The following SYMPK variants were observed in gnomAD, a reference collection of about 807,000 sequenced individuals.
SYMPK encodes the protein symplekin scaffold protein.
Under a neutral mutation model 136.4 loss-of-function variants are expected in SYMPK, and 49 were observed. The ratio of observed to expected loss-of-function variants is 0.36; its 90% confidence interval spans 0.29 to 0.46. The LOEUF (loss-of-function observed/expected upper bound fraction) is 0.46. Among genes scored for constraint, SYMPK ranks in the 20% least tolerant of loss-of-function variants. The pLI is 1.00. For synonymous variants in SYMPK, 766 were observed against 713.0 expected (o/e 1.07, Z -1.19); for missense variants, 1,365 against 1,690.0 (o/e 0.81, Z 3.37).
In SYMPK at chr19:45,821,622, C is replaced by T. The variant is rs11669073; in HGVS notation, c.2792-137G>A. The T allele has an allele frequency of 0.33, 212,931 of 653,406 alleles. 35,901 individuals carry two copies. The highest frequency in any genetic ancestry group is 0.38 in the Middle Eastern group (1,121 of 2,932). The allele number at this position is 653,406 out of a possible 1,614,324, so 40.5% of individuals were successfully genotyped here. A position where few individuals can be genotyped will look rare whatever the true frequency, so the allele number is the denominator to read the frequency against. ...GCTTTCAGGGCTGGAACAGGGGAAG[C>T]GACTGACAACATAAAAAGGGGACAC... On this transcript the variant is annotated intron_variant, in intron 21 of 26. Coordinates refer to ENST00000245934, the MANE Select transcript of SYMPK (RefSeq NM_004819.3). The surrounding 1 kb of genome is among the most constrained non-coding windows in gnomAD (Gnocchi z 4.4).
chr19:45,849,681 A>C (rs1199719546), intron 5 of SYMPK, among the ~76,000 whole-genome samples: 1 of 152,194 alleles, frequency 6.6e-6, no homozygotes, highest in African/African-American at 2.4e-5. Context: ...AATTCAGAAA[A>C]TTTACCACAA....
At position 45,821,530 on chromosome 19, in the gene SYMPK, A is replaced by G. The variant is rs199651395; in HGVS notation, c.2792-45T>C. 11 of 1,360,242 alleles carry G rather than the reference A, an allele frequency of 8.1e-6. No individual in the cohort carries two copies. Among genetic ancestry groups the G allele is most frequent in the Middle Eastern group, 1.8e-4 (1 of 5,552 alleles). The allele number at this position is 1,360,242 out of a possible 1,614,324, so 84.3% of individuals were successfully genotyped here. ...GGGTGGGGGAAGACAGTGCGGACGC[A>G]TAAGTGAAGAGATGGGTCTGAGTTC... On this transcript the variant is annotated intron_variant, in intron 21 of 26. Transcript: ENST00000245934. This position sits in a 1 kb window ranked among gnomAD's most constrained non-coding sequence, Gnocchi z 4.4.
intron 9 of SYMPK, among the ~76,000 whole-genome samples, chr19:45,840,600 T>G (rs1600516315): frequency 6.6e-6 from 1 of 152,076 alleles, no homozygotes; most frequent in African/African-American, 2.4e-5. Flanking sequence ...GAGGCAGAGC[T>G]TGTAGTGAGC....
Position 45,830,127 on chromosome 19 carries a change from TC to T in SYMPK, c.1675del (p.Glu559LysfsTer3). 6.3e-7 allele frequency: 1 copy of T among 1,599,410 alleles called. No individual in the cohort carries two copies. Among genetic ancestry groups the T allele is most frequent in the Non-Finnish European group, 8.5e-7 (1 of 1,172,034 alleles). Reference sequence around the variant, plus strand: ...CTTCACAGCGCCCAGCTTCATGGCTTCCACCTGGGCATCGGTAAGGGGCTTC... The same window carrying T: ...CTTCACAGCGCCCAGCTTCATGGCTTCACCTGGGCATCGGTAAGGGGCTTC... Reference protein sequence around the residue: ...VLKPLTDAQVEAMKLGAVKRI... With the variant: ...VLKPLTDAQVXAMKLGAVKRI... On this transcript the variant is annotated frameshift_variant, in exon 13 of 27. Transcript: ENST00000245934. LOFTEE classifies it high-confidence loss of function.
At chr19:45,833,002 GAGT>G (rs1331755986) in intron 11 of SYMPK, among the ~76,000 whole-genome samples, 2 of 145,432 alleles carry the variant, frequency 1.4e-5, no homozygotes, top group African/African-American at 5.1e-5. Flanking sequence ...CTGGGCGACA[GAGT>G]AGGACTCCAT....
intron 9 of SYMPK, among the ~76,000 whole-genome samples, chr19:45,841,548 C>A (rs1265344524): frequency 6.6e-6 from 1 of 152,174 alleles, no homozygotes; most frequent in Non-Finnish European, 1.5e-5. Context: ...ATGCCTTGGC[C>A]TCCCAAAGTG....
chr19:45,850,486 T>C (rs117036412), intron 5 of SYMPK, among the ~76,000 whole-genome samples: 1,750 of 152,310 alleles, frequency 0.011, 16 homozygotes, highest in Non-Finnish European at 0.016. Flanking sequence ...AAAGCTTTAA[T>C]AAACAAATGA....
chr19:45,823,490 G>A lies in SYMPK; in HGVS notation c.2600-18C>T, dbSNP rs746230575. On this transcript the variant is annotated intron_variant, in intron 19 of 26. Transcript: ENST00000245934. ...GGGTGGGACTGCATGGAAGCAGCAG[G>A]AGGCACCAAGTTGGAGGCGGAGGGG... 37 of 1,611,826 alleles carry A rather than the reference G, an allele frequency of 2.3e-5. No homozygotes were observed. Among genetic ancestry groups the A allele is most frequent in the South Asian group, 3.3e-5 (3 of 91,058 alleles).
chr19:45,854,372 C>T lies in SYMPK; in HGVS notation c.105+19G>A, dbSNP rs1322728658. 4 of 1,612,820 alleles carry T rather than the reference C, an allele frequency of 2.5e-6. No homozygotes were observed. The highest frequency in any genetic ancestry group is 1.1e-5 in the South Asian group (1 of 91,036). ...AGGGGCTATGCTTCCTCACTCCAAG[C>T]CCTACCCGCCACGCTCACCCTCTCT... is the stretch of plus-strand genomic sequence containing the variant. On this transcript the variant is annotated intron_variant, in intron 2 of 26. Coordinates refer to ENST00000245934, the MANE Select transcript of SYMPK (RefSeq NM_004819.3).
At chr19:45,858,704 G>A (rs1051967477) in intron 1 of SYMPK, among the ~76,000 whole-genome samples, 3 of 151,976 alleles carry the variant, frequency 2.0e-5, no homozygotes, top group African/African-American at 4.8e-5. Context: ...TAGTAGAGAC[G>A]GGGTTTCTCC....
intron 18 of SYMPK, among the ~76,000 whole-genome samples, chr19:45,824,371 C>T (rs570017428): frequency 2.4e-4 from 37 of 152,264 alleles, no homozygotes; most frequent in South Asian, 4.1e-4. Context: ...TGACTAAAAC[C>T]GACTGTCTCT....
chr19:45,858,184 G>T (rs1332683219), intron 1 of SYMPK, among the ~76,000 whole-genome samples: 1 of 152,120 alleles, frequency 6.6e-6, no homozygotes, highest in Non-Finnish European at 1.5e-5. Context: ...TGAATGACGA[G>T]CCACAGCCTC....
intron 7 of SYMPK, among the ~76,000 whole-genome samples, chr19:45,845,607 T>C (rs76260876): frequency 0.14 from 21,722 of 152,198 alleles, 1,640 homozygotes; most frequent in South Asian, 0.18. Flanking sequence ...TGTTGATGAA[T>C]ACTTAGTTTG....
At chr19:45,840,446 T>C (rs1235976414) in intron 9 of SYMPK, among the ~76,000 whole-genome samples, 2 of 149,902 alleles carry the variant, frequency 1.3e-5, no homozygotes, top group South Asian at 2.1e-4. Context: ...GGCAGATCAC[T>C]TGAGGTCAGG....
intron 11 of SYMPK, among the ~76,000 whole-genome samples, chr19:45,833,157 A>G (rs902188482): frequency 2.0e-5 from 3 of 151,966 alleles, no homozygotes; most frequent in Admixed American, 2.0e-4. Context: ...AAGCCAAGAA[A>G]GTTCTGCTGC....
rs111696702 is a variant in SYMPK, at chr19:45,823,326, C to T, written c.2700+46G>A. 6.1e-5 allele frequency: 97 copies of T among 1,586,802 alleles called. No individual in the cohort carries two copies. In the Middle Eastern group the frequency reaches 6.7e-4, roughly 11 times the overall value. On this transcript the variant is annotated intron_variant, in intron 20 of 26. Transcript: ENST00000245934. Reference sequence around the variant, plus strand: ...ACGTGCTGCCCTGCCCCTCCCAGTCCCACATGTCCCAGGTAGCAGGGACAA... The same window carrying T: ...ACGTGCTGCCCTGCCCCTCCCAGTCTCACATGTCCCAGGTAGCAGGGACAA...
At chr19:45,847,614 G>T in intron 7 of SYMPK, 138 bp downstream of exon 7, 1 of 1,036,660 alleles carries the variant, frequency 9.6e-7, no homozygotes, top group Non-Finnish European at 1.4e-6. Context: ...TCTGAACCTA[G>T]CACCAGGGAT....
chr19:45,834,838 T>C (rs1054064642), intron 11 of SYMPK, among the ~76,000 whole-genome samples: 7 of 152,226 alleles, frequency 4.6e-5, no homozygotes, highest in African/African-American at 1.2e-4. Context: ...TTGACCAAAG[T>C]CATACAGATA....
At chr19:45,818,526 CAG>C (rs1970809098) in intron 22 of SYMPK, among the ~76,000 whole-genome samples, 1 of 152,172 alleles carries the variant, frequency 6.6e-6, no homozygotes. Flanking sequence ...CCAGCCCCTC[CAG>C]AGAGAACAGC....
Sources: gnomAD v4.1 joint callset for allele counts (sites outside exome capture counted in the v4.1 genomes callset) on GRCh38, gnomAD v4.1.1 for gene constraint, Gnocchi (gnomAD v3.1) non-coding constraint, MANE v1.5 for transcripts, NCBI Gene and HGNC (gene_info 2026-07-23, HGNC 2026-07-21) for gene names.